Variants in ADGRE2 observed in about 807,000 individuals in gnomAD.
ADGRE2 encodes the protein adhesion G protein-coupled receptor E2, also known as CD97 antigen.
In ADGRE2, 83 loss-of-function variants were observed where a neutral mutation model predicts 100.8. The observed-to-expected ratio is 0.82, with a 90% CI of 0.69 to 0.99. The LOEUF (loss-of-function observed/expected upper bound fraction) is 0.99, where lower values mean the gene tolerates loss of function less well. ADGRE2 is among the 50% of genes least tolerant of loss of function. The pLI, the probability that ADGRE2 is intolerant of heterozygous loss-of-function variation, is 0.00. For synonymous variants in ADGRE2, 355 were observed against 413.0 expected (o/e 0.86, Z 1.70); for missense variants, 814 against 1,035.7 (o/e 0.79, Z 2.94).
At chr19:14,755,510 C>T (rs1426893134) in intron 13 of ADGRE2, 144 bp downstream of exon 13, 3 of 749,708 alleles carry the variant, frequency 4.0e-6, no homozygotes, top group Non-Finnish European at 6.9e-6. Flanking sequence ...AATGCTTACC[C>T]AAAGCCGGCT....
chr19:14,746,104 C>T, intron 18 of ADGRE2, 128 bp downstream of exon 18: 1 of 643,248 alleles, frequency 1.6e-6, no homozygotes, highest in Non-Finnish European at 2.8e-6. Flanking sequence ...AGAAGGATGG[C>T]TGCGTCTGTT....
chr19:14,761,004 AC>A (rs1232947049), intron 11 of ADGRE2, among the ~76,000 whole-genome samples: 3 of 152,190 alleles, frequency 2.0e-5, no homozygotes, highest in Non-Finnish European at 2.9e-5. Context: ...ATCTGGAAGC[AC>A]CCGCCCCACA....
chr19:14,729,880 A>G (rs947119948), downstream of ADGRE2, among the ~76,000 whole-genome samples: 2 of 152,170 alleles, frequency 1.3e-5, no homozygotes, highest in African/African-American at 2.4e-5. Context: ...CTTGATAAAT[A>G]CATCCAATTT....
rs912459949 is a variant in ADGRE2, at chr19:14,733,429, T to A, written c.*2807A>T. 6 of 152,176 alleles carry A rather than the reference T, an allele frequency of 3.9e-5. No individual in the cohort carries two copies. Among genetic ancestry groups the A allele is most frequent in the African/African-American group, 1.4e-4 (6 of 41,422 alleles). 9.4% of individuals were successfully genotyped at this position (152,176 alleles called of 1,614,324 possible). On this transcript the variant is annotated 3_prime_UTR_variant, in exon 21 of 21. Transcript: ENST00000315576. ...GGGTAACTGCCAAACTTCACCCTCATACAATGGGCCCCAGTAAAACAGTGG... is the reference window on the plus strand; with the variant it reads ...GGGTAACTGCCAAACTTCACCCTCAAACAATGGGCCCCAGTAAAACAGTGG...
At chr19:14,771,619 T>G (rs959157266) in intron 5 of ADGRE2, among the ~76,000 whole-genome samples, 19 of 144,146 alleles carry the variant, frequency 1.3e-4, no homozygotes, top group African/African-American at 4.7e-4. Context: ...AGGCATCCAT[T>G]GCTTATTTAT....
At chr19:14,736,784 A>AAATAT (rs1219474632) in intron 20 of ADGRE2, among the ~76,000 whole-genome samples, 4 of 144,112 alleles carry the variant, frequency 2.8e-5, no homozygotes, top group South Asian at 2.1e-4. Flanking sequence ...AGATATTTAG[A>AAATAT]AGTATAGATA....
intron 20 of ADGRE2, among the ~76,000 whole-genome samples, chr19:14,741,282 A>G (rs2042922048): frequency 6.6e-6 from 1 of 151,146 alleles, no homozygotes; most frequent in Admixed American, 6.6e-5. Context: ...TTTTTAGTAA[A>G]GATGGAGTTT....
intron 5 of ADGRE2, 193 bp downstream of exon 5, chr19:14,772,149 A>G (rs2044234015): frequency 2.8e-6 from 2 of 722,640 alleles, no homozygotes; most frequent in African/African-American, 3.6e-5. Flanking sequence ...AGCTGGTCCC[A>G]GAGTTTTCCC....
In ADGRE2 at chr19:14,764,496, G is replaced by A; in HGVS notation, c.1021C>T (p.Leu341Phe). 1 of 1,613,142 alleles carries A rather than the reference G, an allele frequency of 6.2e-7. No homozygotes were observed. Among genetic ancestry groups the A allele is most frequent in the Non-Finnish European group, 8.5e-7 (1 of 1,179,976 alleles). The change falls in exon 11 of 21, where the codon CTC (leucine) becomes TTC (phenylalanine). Residue 341 changes from leucine to phenylalanine, a missense_variant. Leu to Phe is a conservative substitution (Grantham distance 22). This residue lies in a region of ADGRE2 where 569 missense variants were observed against 692.7 expected (regional missense o/e 0.82). Coordinates refer to ENST00000315576, the MANE Select transcript of ADGRE2 (RefSeq NM_013447.4). The part of the protein sequence containing the change: ...SHLLDGLEDV[L>F]RGLSKNLSNG... ...GAAAGGTTCTTGCTCAGGCCTCTGAGGACATCCTCTAGGCCATCCAGCAGG... is the reference window on the plus strand; with the variant it reads ...GAAAGGTTCTTGCTCAGGCCTCTGAAGACATCCTCTAGGCCATCCAGCAGG...
chr19:14,726,323 C>A, the ADGRE2 span, among the ~76,000 whole-genome samples: 1 of 152,290 alleles, frequency 6.6e-6, no homozygotes, highest in Admixed American at 6.5e-5. Context: ...GAGAGGTGGC[C>A]TGGAAGATCC....
Position 14,772,395 on chromosome 19 carries a change from T to G in ADGRE2, c.302A>C (p.Glu101Ala). 1 of 1,614,084 alleles carries G rather than the reference T, an allele frequency of 6.2e-7. No individual in the cohort carries two copies. The change falls in exon 5 of 21, where the codon GAG becomes GCG. Residue 101 changes from glutamate (E) to alanine (A), a missense_variant. Transcript: ENST00000315576. Reference sequence around the variant, plus strand: ...GAATGTTTTTGCCCCAGAAACAGGCTCATATCCTGGGCTGCACACGCAGTC... The same window carrying G: ...GAATGTTTTTGCCCCAGAAACAGGCGCATATCCTGGGCTGCACACGCAGTC... The part of the protein sequence containing the change: ...SYDCVCSPGY[E>A]PVSGAKTFKN...
intron 20 of ADGRE2, among the ~76,000 whole-genome samples, chr19:14,736,896 T>G (rs552873135): frequency 9.0e-4 from 127 of 140,840 alleles, no homozygotes; most frequent in African/African-American, 2.6e-3. Context: ...ATATATATAT[T>G]TAATATCTAT....
intron 15 of ADGRE2, among the ~76,000 whole-genome samples, 154 bp downstream of exon 15, chr19:14,752,175 C>T (rs567633533): frequency 1.7e-4 from 26 of 152,064 alleles, no homozygotes; most frequent in South Asian, 8.3e-4. Context: ...TGAGGTGATC[C>T]GCCCACCTCA....
chr19:14,746,375 C>CA, intron 17 of ADGRE2, 52 bp from the exon 18 acceptor site: 5 of 777,282 alleles, frequency 6.4e-6, no homozygotes, highest in Non-Finnish European at 1.0e-5. Context: ...CCTGTTATCT[C>CA]TTTTTTTTTT....
At chr19:14,740,562 G>A (rs1030320053) in intron 20 of ADGRE2, among the ~76,000 whole-genome samples, 5 of 150,038 alleles carry the variant, frequency 3.3e-5, no homozygotes, top group African/African-American at 4.9e-5. Flanking sequence ...CGGAGGTTGC[G>A]GTGAGCTGAG....
chr19:14,777,224 A>G (rs1309134988), intron 1 of ADGRE2: 1 of 366,178 alleles, frequency 2.7e-6, no homozygotes, highest in Non-Finnish European at 3.8e-6. Context: ...TGTCAGAAAT[A>G]GCTCTGGGCT....
chr19:14,769,989 C>G (rs143934746), intron 5 of ADGRE2, among the ~76,000 whole-genome samples: 3 of 152,166 alleles, frequency 2.0e-5, no homozygotes, highest in Non-Finnish European at 2.9e-5. Context: ...TGAGCCACTG[C>G]GCCCGGCCAG....
chr19:14,758,436 A>G (rs763480999), intron 11 of ADGRE2, among the ~76,000 whole-genome samples: 1 of 152,246 alleles, frequency 6.6e-6, no homozygotes, highest in Non-Finnish European at 1.5e-5. Context: ...ATCATTAGTT[A>G]TCAGGGAAGG....
At chr19:14,773,863 C>T (rs938362316) in intron 4 of ADGRE2, 75 bp downstream of exon 4, 1 of 1,362,300 alleles carries the variant, frequency 7.3e-7, no homozygotes. Context: ...CTCACAACAA[C>T]CTCTGTCCCC....
Sources: gnomAD v4.1 joint callset for allele counts (sites outside exome capture counted in the v4.1 genomes callset) on GRCh38, gnomAD v4.1.1 for gene constraint, gnomAD v4.1.1 regional missense constraint, MANE v1.5 for transcripts, NCBI Gene and HGNC (gene_info 2026-07-23, HGNC 2026-07-21) for gene names.